Variants in PLCB1 observed in about 807,000 individuals in gnomAD.
The protein encoded by PLCB1 is 1-phosphatidylinositol 4,5-bisphosphate phosphodiesterase beta-1.
Under a neutral mutation model 161.8 loss-of-function variants are expected in PLCB1, and 46 were observed. The observed-to-expected ratio is 0.28, with a 90% CI of 0.22 to 0.36. The LOEUF (loss-of-function observed/expected upper bound fraction) is 0.36, where lower values mean the gene tolerates loss of function less well. Among genes scored for constraint, PLCB1 ranks in the 10% least tolerant of loss-of-function variants. The pLI is 1.00. For synonymous variants in PLCB1, 517 were observed against 503.7 expected (o/e 1.03, Z -0.35); for missense variants, 1,016 against 1,472.5 (o/e 0.69, Z 5.07).
chr20:8,352,570 G>T (rs1047171901), intron 2 of PLCB1, among the ~76,000 whole-genome samples: 1 of 152,006 alleles, frequency 6.6e-6, no homozygotes, highest in Non-Finnish European at 1.5e-5. Flanking sequence ...GAGAATCCCA[G>T]GATGGAAAGC....
chr20:8,193,386 T>A, intron 2 of PLCB1, among the ~76,000 whole-genome samples: 1 of 151,320 alleles, frequency 6.6e-6, no homozygotes. Context: ...TAGAATACTA[T>A]GCAGCTGTAA....
chr20:8,334,904 G>A (rs1338393907), intron 2 of PLCB1, among the ~76,000 whole-genome samples: 1 of 152,136 alleles, frequency 6.6e-6, no homozygotes, highest in African/African-American at 2.4e-5. Context: ...AACATTCTCA[G>A]GTGCTCTTGG....
intron 5 of PLCB1, among the ~76,000 whole-genome samples, chr20:8,647,569 G>A (rs1473699): frequency 0.25 from 38,261 of 152,106 alleles, 5,159 homozygotes; most frequent in Admixed American, 0.33. Flanking sequence ...AATATGGTTA[G>A]TTCTCAGAAA....
chr20:8,218,013 T>C (rs1468157471), intron 2 of PLCB1, among the ~76,000 whole-genome samples: 1 of 152,140 alleles, frequency 6.6e-6, no homozygotes, highest in Non-Finnish European at 1.5e-5. Flanking sequence ...AATTACCTAG[T>C]CTGTGGTATT....
intron 2 of PLCB1, among the ~76,000 whole-genome samples, chr20:8,325,021 T>C (rs1263579793): frequency 1.3e-5 from 2 of 152,246 alleles, no homozygotes; most frequent in Non-Finnish European, 2.9e-5. Flanking sequence ...CGGGTGCTTT[T>C]CTTGTGAAGC....
chr20:8,448,514 G>A (rs913667135), intron 3 of PLCB1, among the ~76,000 whole-genome samples: 1 of 152,176 alleles, frequency 6.6e-6, no homozygotes, highest in Non-Finnish European at 1.5e-5. Flanking sequence ...TGCTGTGTTA[G>A]GGCGCCACTG....
chr20:8,410,846 T>C (rs552626301), intron 3 of PLCB1, among the ~76,000 whole-genome samples: 3 of 152,064 alleles, frequency 2.0e-5, no homozygotes, highest in African/African-American at 7.2e-5. Context: ...GTAAGAGACA[T>C]ACTAGGAAGA....
chr20:8,347,188 C>T (rs1258942436), intron 2 of PLCB1, among the ~76,000 whole-genome samples: 3 of 152,104 alleles, frequency 2.0e-5, no homozygotes, highest in Non-Finnish European at 4.4e-5. Flanking sequence ...ATGTGGTTTA[C>T]CTTGGGAATT....
chr20:8,323,526 C>G (rs531925012), intron 2 of PLCB1, among the ~76,000 whole-genome samples: 1 of 152,116 alleles, frequency 6.6e-6, no homozygotes, highest in Non-Finnish European at 1.5e-5. Flanking sequence ...CCTATAAACT[C>G]TCTCCTTATG....
At chr20:8,508,032 G>A (rs1213911524) in intron 3 of PLCB1, among the ~76,000 whole-genome samples, 1 of 152,094 alleles carries the variant, frequency 6.6e-6, no homozygotes, top group Non-Finnish European at 1.5e-5. Flanking sequence ...CTACACCCAA[G>A]GAGGATTTAA....
At chr20:8,288,574 A>C (rs1400333602) in intron 2 of PLCB1, among the ~76,000 whole-genome samples, 1 of 152,176 alleles carries the variant, frequency 6.6e-6, no homozygotes, top group East Asian at 1.9e-4. Context: ...GTCATGGACT[A>C]CCAGCAGCCT....
At chr20:8,464,738 A>G (rs970815549) in intron 3 of PLCB1, among the ~76,000 whole-genome samples, 11 of 152,260 alleles carry the variant, frequency 7.2e-5, no homozygotes, top group African/African-American at 2.4e-4. Flanking sequence ...CTCAGCCACT[A>G]TTGTTTGTGT....
chr20:8,811,219 G>A (rs1174389863), intron 31 of PLCB1, among the ~76,000 whole-genome samples: 1 of 152,168 alleles, frequency 6.6e-6, no homozygotes, highest in Non-Finnish European at 1.5e-5. Flanking sequence ...GCCAAAAGGT[G>A]GGGAAGGGAA....
chr20:8,274,560 C>T (rs1280031666), intron 2 of PLCB1, among the ~76,000 whole-genome samples: 2 of 151,790 alleles, frequency 1.3e-5, no homozygotes, highest in Non-Finnish European at 2.9e-5. Context: ...AGTACTAGCA[C>T]TATATTTAAA....
At chr20:8,241,106 T>C (rs1262922293) in intron 2 of PLCB1, among the ~76,000 whole-genome samples, 1 of 152,028 alleles carries the variant, frequency 6.6e-6, no homozygotes, top group Non-Finnish European at 1.5e-5. Context: ...CCTAATGTAA[T>C]TGAATTTCTC....
At chr20:8,539,769 TTTCCTTCCTTCCTTCC>T (rs562000616) in intron 3 of PLCB1, among the ~76,000 whole-genome samples, 1 of 145,548 alleles carries the variant, frequency 6.9e-6, no homozygotes, top group African/African-American at 2.8e-5. Flanking sequence ...TCCTTCCTTC[TTTCCTTCCTTCCTTCC>T]TTCCTTTCTC....
chr20:8,377,957 A>G (rs573301844), intron 3 of PLCB1, among the ~76,000 whole-genome samples: 12 of 152,278 alleles, frequency 7.9e-5, no homozygotes, highest in Admixed American at 7.2e-4. Context: ...TAAGGAATGT[A>G]GGTGTAAAAG....
intron 2 of PLCB1, among the ~76,000 whole-genome samples, chr20:8,246,890 C>T (rs1011423838): frequency 6.6e-6 from 1 of 151,826 alleles, no homozygotes; most frequent in African/African-American, 2.4e-5. Context: ...TTTAGAGCTA[C>T]CCTCATGCTC....
intron 3 of PLCB1, among the ~76,000 whole-genome samples, chr20:8,445,410 C>A (rs1263434782): frequency 6.6e-6 from 1 of 152,006 alleles, no homozygotes; most frequent in Non-Finnish European, 1.5e-5. Flanking sequence ...GTCTATATCT[C>A]TGTTTTGGTA....
Sources: gnomAD v4.1 joint callset for allele counts (sites outside exome capture counted in the v4.1 genomes callset) on GRCh38, gnomAD v4.1.1 for gene constraint, MANE v1.5 for transcripts, NCBI Gene and HGNC (gene_info 2026-07-23, HGNC 2026-07-21) for gene names.